The following PEX7 variants were observed in gnomAD, a reference collection of about 807,000 sequenced individuals.
PEX7 encodes peroxisomal biogenesis factor 7.
Under a neutral mutation model 47.5 loss-of-function variants are expected in PEX7, and 34 were observed. That is an observed-to-expected ratio of 0.72 (90% CI 0.54 to 0.95). The LOEUF is 0.95. PEX7 is among the 40% of genes least tolerant of loss of function. PEX7 has a pLI of 0.00. For synonymous variants in PEX7, 141 were observed against 148.8 expected (o/e 0.95, Z 0.38); for missense variants, 394 against 400.3 (o/e 0.98, Z 0.13).
At chr6:136,876,123 C>T (rs561175486) in intron 8 of PEX7, among the ~76,000 whole-genome samples, 191 of 151,984 alleles carry the variant, frequency 1.3e-3, no homozygotes, top group African/African-American at 3.5e-3. Flanking sequence ...CTGCAAGCTC[C>T]GCCTCCTGGG....
At chr6:136,852,842 C>T (rs1284036780) in intron 5 of PEX7, among the ~76,000 whole-genome samples, 8 of 79,802 alleles carry the variant, frequency 1.0e-4, no homozygotes, top group African/African-American at 3.5e-4. Context: ...AAAAAGAGCC[C>T]GCATCGCCAA....
Position 136,908,601 on chromosome 6 carries a change from G to GCTTC in PEX7, c.904-4857_904-4856insCTTC, listed in dbSNP as rs1313634163. On this transcript the variant is annotated intron_variant, in intron 9 of 9. Transcript: ENST00000318471. ...TTTTCCACTTGTGTATCCTTGGGCG[G>GCTTC]AAGCAGTAGAGCCTGGAGGCCCCTG... Among the ~76,000 whole-genome samples, 32 of 152,216 alleles carry GCTTC rather than the reference G, an allele frequency of 2.1e-4. 1 individual carries two copies. The highest frequency in any genetic ancestry group is 9.2e-4 in the Admixed American group (14 of 15,272).
chr6:136,870,606 C>G (rs1034494435), intron 7 of PEX7: 5 of 208,906 alleles, frequency 2.4e-5, no homozygotes, highest in African/African-American at 1.2e-4. Context: ...AGTGACATCT[C>G]CCAATTTCAT....
At chr6:136,864,701 A>G (rs188678106) in intron 5 of PEX7, among the ~76,000 whole-genome samples, 2 of 152,342 alleles carry the variant, frequency 1.3e-5, no homozygotes, top group East Asian at 3.9e-4. Context: ...TACTTTAAAA[A>G]TTTAGCATTT....
intron 8 of PEX7, among the ~76,000 whole-genome samples, chr6:136,880,525 G>A (rs950061023): frequency 3.3e-5 from 5 of 152,188 alleles, no homozygotes; most frequent in Admixed American, 6.5e-5. Context: ...CTTGCAGCTG[G>A]AACAAGGAAG....
Position 136,825,208 on chromosome 6 carries a change from C to G in PEX7, c.131-6C>G, listed in dbSNP as rs2115129034. 1.9e-6 allele frequency: 3 copies of G among 1,613,130 alleles called. No individual in the cohort carries two copies. The highest frequency in any genetic ancestry group is 2.2e-5 in the East Asian group (1 of 44,864). ...AAGGGATGACCTTGATTTTTTTTCT[C>G]TTTAGGCTGTGGAACCCTACTAATA... On this transcript the variant is annotated splice_region_variant and splice_polypyrimidine_tract_variant and intron_variant, in intron 1 of 9. Coordinates refer to ENST00000318471, the MANE Select transcript of PEX7 (RefSeq NM_000288.4).
intron 8 of PEX7, among the ~76,000 whole-genome samples, chr6:136,897,767 T>A (rs1183508403): frequency 6.6e-6 from 1 of 152,196 alleles, no homozygotes; most frequent in Non-Finnish European, 1.5e-5. Flanking sequence ...TCAATATCCT[T>A]ATTTTATAGC....
intron 8 of PEX7, among the ~76,000 whole-genome samples, chr6:136,894,550 A>G (rs1358462646): frequency 6.6e-6 from 1 of 152,208 alleles, no homozygotes; most frequent in Non-Finnish European, 1.5e-5. Flanking sequence ...AGATCGCGCC[A>G]CTGCACTCCA....
At chr6:136,859,225 T>C (rs1471604245) in intron 5 of PEX7, among the ~76,000 whole-genome samples, 2 of 152,214 alleles carry the variant, frequency 1.3e-5, no homozygotes, top group Non-Finnish European at 1.5e-5. Context: ...GGGAAGTTTT[T>C]AGAGAACTAC....
At chr6:136,864,794 A>C (rs1775028481) in intron 5 of PEX7, among the ~76,000 whole-genome samples, 2 of 152,302 alleles carry the variant, frequency 1.3e-5, no homozygotes, top group South Asian at 4.1e-4. Context: ...ATTCTTAGAC[A>C]GCGCTGCATG....
At chr6:136,843,136 T>C (rs1774532718) in intron 3 of PEX7, among the ~76,000 whole-genome samples, 1 of 152,176 alleles carries the variant, frequency 6.6e-6, no homozygotes, top group South Asian at 2.1e-4. Context: ...CGATTAAAAG[T>C]GGACTCTGCA....
At chr6:136,875,224 G>T (rs1333380502) in intron 8 of PEX7, among the ~76,000 whole-genome samples, 2 of 148,648 alleles carry the variant, frequency 1.3e-5, no homozygotes, top group Non-Finnish European at 3.0e-5. Flanking sequence ...TCTTTTTGTT[G>T]TTCTTTTTTT....
chr6:136,849,337 TG>T (rs1324236153), intron 5 of PEX7, among the ~76,000 whole-genome samples: 1 of 152,158 alleles, frequency 6.6e-6, no homozygotes, highest in Non-Finnish European at 1.5e-5. Flanking sequence ...AAGGGTTTTT[TG>T]TGTCTCTATC....
intron 9 of PEX7, among the ~76,000 whole-genome samples, chr6:136,899,247 AT>A (rs112875737): frequency 2.6e-3 from 303 of 117,634 alleles, no homozygotes; most frequent in East Asian, 6.1e-3. Flanking sequence ...CACCCAATTA[AT>A]TTTTTTTTTT....
chr6:136,838,943 A>C (rs901175650), intron 3 of PEX7, among the ~76,000 whole-genome samples: 1 of 152,184 alleles, frequency 6.6e-6, no homozygotes, highest in Non-Finnish European at 1.5e-5. Flanking sequence ...GCACTTTGGA[A>C]GGCCTAGGCA....
At chr6:136,879,285 G>T (rs1228401571) in intron 8 of PEX7, among the ~76,000 whole-genome samples, 3 of 152,118 alleles carry the variant, frequency 2.0e-5, no homozygotes, top group African/African-American at 7.2e-5. Flanking sequence ...TTCAGGAAAT[G>T]CCATAGATTT....
At chr6:136,864,766 T>C (rs1775028079) in intron 5 of PEX7, among the ~76,000 whole-genome samples, 1 of 152,160 alleles carries the variant, frequency 6.6e-6, no homozygotes. Flanking sequence ...GCTAGGTGCT[T>C]TACAGAAACG....
At chr6:136,824,675 A>G (rs80054872) in intron 1 of PEX7, among the ~76,000 whole-genome samples, 2,446 of 152,342 alleles carry the variant, frequency 0.016, 69 homozygotes, top group African/African-American at 0.056. Context: ...GACAGGTAAC[A>G]TATTAATACT....
intron 5 of PEX7, among the ~76,000 whole-genome samples, chr6:136,847,136 T>G (rs1429601289): frequency 6.6e-6 from 1 of 152,226 alleles, no homozygotes; most frequent in Non-Finnish European, 1.5e-5. Flanking sequence ...TGCATAAATG[T>G]CTTCTTTTGA....
Sources: allele counts gnomAD v4.1 joint callset (sites outside exome capture counted in the v4.1 genomes callset), GRCh38; gene constraint gnomAD v4.1.1; transcripts MANE v1.5; gene names NCBI Gene and HGNC (gene_info 2026-07-23, HGNC 2026-07-21).